Variants in WAPL observed in about 807,000 individuals in gnomAD.
The protein encoded by WAPL is WAPL cohesin release factor, also known as wings apart-like protein homolog.
In WAPL, 5 loss-of-function variants were observed where a neutral mutation model predicts 121.0. The observed-to-expected ratio is 0.04, with a 90% confidence interval of 0.02 to 0.09. The LOEUF is 0.09. Ranked by LOEUF, WAPL falls within the 10% of genes least tolerant of loss-of-function variation. The pLI, the probability that WAPL is intolerant of heterozygous loss-of-function variation, is 1.00. For synonymous variants in WAPL, 480 were observed against 481.5 expected (o/e 1.00, Z 0.04); for missense variants, 999 against 1,410.8 (o/e 0.71, Z 4.68).
chr10:86,512,319 C>T (rs1842479608), intron 2 of WAPL, among the ~76,000 whole-genome samples: 1 of 152,340 alleles, frequency 6.6e-6, no homozygotes, highest in South Asian at 2.1e-4. Context: ...ACCAGTCAGG[C>T]AAATTAAGAG....
chr10:86,497,398 A>C, intron 3 of WAPL, 79 bp from the exon 4 acceptor site: 1 of 995,538 alleles, frequency 1.0e-6, no homozygotes, highest in Non-Finnish European at 1.5e-6. Flanking sequence ...TTATATATAC[A>C]TGAATGAATG....
chr10:86,457,189 G>A (rs144040018), intron 12 of WAPL, among the ~76,000 whole-genome samples: 116 of 152,126 alleles, frequency 7.6e-4, no homozygotes, highest in South Asian at 1.9e-3. Flanking sequence ...GAATGCATGC[G>A]GTAAGAGCAC....
intron 4 of WAPL, among the ~76,000 whole-genome samples, chr10:86,488,068 C>G (rs1171414690): frequency 6.6e-6 from 1 of 151,940 alleles, no homozygotes; most frequent in Non-Finnish European, 1.5e-5. Context: ...AATAAGAACA[C>G]ATGTGGAGGA....
chr10:86,515,931 T>C (rs1287778852), intron 2 of WAPL, among the ~76,000 whole-genome samples: 5 of 133,602 alleles, frequency 3.7e-5, no homozygotes, highest in Non-Finnish European at 7.6e-5. Context: ...AGTGGTGCGA[T>C]CTCGGCTCAC....
At position 86,472,621 on chromosome 10, in the gene WAPL, T is replaced by C; in HGVS notation, c.1884A>G (p.Glu628=). The part of the protein sequence containing the change: ...DIVTALKCRR[E]DKELYTVVQH... ...GTATATGGCTGCTTACTTCTTTGTCTTCTCGTCTGCATTTCAGTGCAGTAA... is the reference window on the plus strand; with the variant it reads ...GTATATGGCTGCTTACTTCTTTGTCCTCTCGTCTGCATTTCAGTGCAGTAA... Residue 628 remains glutamate, a synonymous_variant, in exon 6 of 19, where the codon GAA becomes GAG. Transcript: ENST00000298767. This position sits in a 1 kb window ranked among gnomAD's most constrained non-coding sequence, Gnocchi z 4.2. 1.9e-6 allele frequency: 3 copies of C among 1,613,498 alleles called. No homozygotes were observed. Among genetic ancestry groups the C allele is most frequent in the Non-Finnish European group, 2.5e-6 (3 of 1,179,780 alleles).
intron 17 of WAPL, among the ~76,000 whole-genome samples, chr10:86,439,401 C>T (rs1010709020): frequency 2.6e-5 from 4 of 152,124 alleles, no homozygotes; most frequent in African/African-American, 9.7e-5. Context: ...GAAAAGTACG[C>T]CTCTGTAATA....
chr10:86,471,287 T>C (rs1216964943), intron 7 of WAPL, among the ~76,000 whole-genome samples, 184 bp from the exon 8 acceptor site: 1 of 152,210 alleles, frequency 6.6e-6, no homozygotes, highest in Admixed American at 6.5e-5. Context: ...GCCTAGTGCA[T>C]GATTAGGTAC....
chr10:86,478,322 G>A (rs1172660648), intron 4 of WAPL, among the ~76,000 whole-genome samples: 1 of 151,794 alleles, frequency 6.6e-6, no homozygotes, highest in Non-Finnish European at 1.5e-5. Context: ...CCAGCTACTC[G>A]AGACGCTGAG....
At chr10:86,489,947 C>T (rs190761245) in intron 4 of WAPL, among the ~76,000 whole-genome samples, 95 of 149,970 alleles carry the variant, frequency 6.3e-4, no homozygotes, top group African/African-American at 2.2e-3. Context: ...TGGCTTGGCA[C>T]GGTGGGAGGC....
chr10:86,450,289 A>G (rs1840945795), intron 15 of WAPL, among the ~76,000 whole-genome samples: 1 of 152,118 alleles, frequency 6.6e-6, no homozygotes, highest in Non-Finnish European at 1.5e-5. Context: ...AGGCTGGAGC[A>G]CAGTACTGTA....
At chr10:86,516,182 T>C (rs954584549) in intron 2 of WAPL, among the ~76,000 whole-genome samples, 3 of 152,150 alleles carry the variant, frequency 2.0e-5, no homozygotes, top group Admixed American at 6.5e-5. Flanking sequence ...CGCTGTTTTT[T>C]AATGGAAATT....
intron 12 of WAPL, among the ~76,000 whole-genome samples, chr10:86,455,091 C>T (rs1217569268): frequency 4.0e-5 from 6 of 150,068 alleles, no homozygotes; most frequent in Admixed American, 6.6e-5. Context: ...GCCCGGCAGC[C>T]GCCCCGTCCA....
At chr10:86,486,237 G>A (rs1458679188) in intron 4 of WAPL, among the ~76,000 whole-genome samples, 1 of 152,174 alleles carries the variant, frequency 6.6e-6, no homozygotes, top group African/African-American at 2.4e-5. Flanking sequence ...TGTTCTGACA[G>A]AAAAATATGC....
intron 9 of WAPL, among the ~76,000 whole-genome samples, chr10:86,466,094 C>T (rs537540951): frequency 1.2e-4 from 18 of 152,278 alleles, no homozygotes; most frequent in Admixed American, 8.5e-4. Context: ...AGCCATCTCA[C>T]ACATGGGGCA....
Position 86,500,546 on chromosome 10 carries a change from T to C in WAPL, c.697A>G (p.Arg233Gly). The change falls in exon 3 of 19, where the codon AGA becomes GGA. Residue 233 changes from arginine (R) to glycine (G), a missense_variant. Arg to Gly is a moderately radical substitution (Grantham distance 125). Coordinates refer to ENST00000298767, the MANE Select transcript of WAPL (RefSeq NM_015045.5). ...TTATCCCATTCAAACAAACCAGTTC[T>C]AACAGATCCCTTGATTGGAGATATT... ...SEISPIKGSV[R>G]TGLFEWDNDF... 1.9e-6 allele frequency: 3 copies of C among 1,614,142 alleles called. No individual in the cohort carries two copies. Among genetic ancestry groups the C allele is most frequent in the Non-Finnish European group, 2.5e-6 (3 of 1,180,024 alleles).
chr10:86,457,539 G>A (rs1317246918), intron 12 of WAPL, among the ~76,000 whole-genome samples: 1 of 151,882 alleles, frequency 6.6e-6, no homozygotes, highest in Non-Finnish European at 1.5e-5. Flanking sequence ...TGTTGTCCCA[G>A]CTATTCGGAA....
At chr10:86,455,697 G>GAAAAAAAAAAAAAAAA (rs1220963010) in intron 12 of WAPL, among the ~76,000 whole-genome samples, 1 of 131,338 alleles carries the variant, frequency 7.6e-6, no homozygotes, top group Non-Finnish European at 1.6e-5. Flanking sequence ...AAAAAAAAAA[G>GAAAAAAAAAAAAAAAA]AAAGAAAGAA....
rs200733883 is a variant in WAPL, at chr10:86,499,869, G to A, written c.1374C>T (p.Leu458=). The A allele has an allele frequency of 1.5e-5, 24 of 1,613,870 alleles. No homozygotes were observed. The East Asian group carries it at 5.3e-4, about 36-fold the overall frequency. Reference sequence around the variant, plus strand: ...CATCTTCATCATCTTCGCTTTCACTGAGATCATCAAAGCCAAAATACTTAA... The same window carrying A: ...CATCTTCATCATCTTCGCTTTCACTAAGATCATCAAAGCCAAAATACTTAA... The part of the protein sequence containing the change: ...YKIKYFGFDD[L]SESEDDEDDD... The change falls in exon 3 of 19, where the codon CTC becomes CTT. Residue 458 remains leucine, a synonymous_variant. Transcript: ENST00000298767.
chr10:86,492,088 G>A (rs1269966909), intron 4 of WAPL, among the ~76,000 whole-genome samples: 2 of 152,142 alleles, frequency 1.3e-5, no homozygotes, highest in Non-Finnish European at 2.9e-5. Context: ...TTTTTAATTT[G>A]ACACGTTAAG....
Sources: allele counts gnomAD v4.1 joint callset (sites outside exome capture counted in the v4.1 genomes callset), GRCh38; gene constraint gnomAD v4.1.1; non-coding constraint Gnocchi (gnomAD v3.1); transcripts MANE v1.5; gene names NCBI Gene and HGNC (gene_info 2026-07-23, HGNC 2026-07-21).